The following MSRB3 variants were observed in gnomAD, a reference collection of about 807,000 sequenced individuals.
MSRB3 encodes methionine sulfoxide reductase B3, also known as methionine-R-sulfoxide reductase B3.
Under a neutral mutation model 21.0 loss-of-function variants are expected in MSRB3, and 13 were observed. That is an observed-to-expected ratio of 0.62 (90% CI 0.40 to 0.98). The LOEUF is 0.98. MSRB3 is among the 50% of genes least tolerant of loss of function. MSRB3 has a pLI of 0.00. For synonymous variants in MSRB3, 87 were observed against 88.6 expected, an observed-to-expected ratio of 0.98 and a Z score of 0.10; for missense variants, 199 against 230.3, an observed-to-expected ratio of 0.86 and a Z score of 0.88.
chr12:65,432,769 T>G (rs1326878145), intron 5 of MSRB3, among the ~76,000 whole-genome samples: 1 of 151,876 alleles, frequency 6.6e-6, no homozygotes, highest in African/African-American at 2.4e-5. Flanking sequence ...TTGCTTTGAG[T>G]ATGTTGCTAA....
chr12:65,393,028 T>G (rs1157716145), intron 5 of MSRB3, among the ~76,000 whole-genome samples: 1 of 152,196 alleles, frequency 6.6e-6, no homozygotes, highest in African/African-American at 2.4e-5. Context: ...TACTGCTCTA[T>G]AGTAAATAAA....
chr12:65,440,304 C>A (rs567745542), intron 5 of MSRB3, among the ~76,000 whole-genome samples: 12 of 151,454 alleles, frequency 7.9e-5, no homozygotes, highest in Non-Finnish European at 1.5e-4. Flanking sequence ...AAAGGACAGG[C>A]ATATTTGAAT....
At chr12:65,431,146 T>C (rs1192272370) in intron 5 of MSRB3, among the ~76,000 whole-genome samples, 1 of 152,076 alleles carries the variant, frequency 6.6e-6, no homozygotes, top group African/African-American at 2.4e-5. Flanking sequence ...TTCACGTCTT[T>C]GTAGTTTTAG....
At chr12:65,386,815 A>T (rs1879218506) in intron 5 of MSRB3, among the ~76,000 whole-genome samples, 1 of 152,056 alleles carries the variant, frequency 6.6e-6, no homozygotes, top group Admixed American at 6.5e-5. Flanking sequence ...CCATGTCTGG[A>T]TACTTAGTTA....
intron 4 of MSRB3, among the ~76,000 whole-genome samples, chr12:65,342,001 T>A (rs11175731): frequency 0.049 from 7,393 of 152,024 alleles, 222 homozygotes; most frequent in Middle Eastern, 0.12. Context: ...CCAAAGTGTT[T>A]TTTTCTGTTG....
Position 65,329,420 on chromosome 12 carries a change from C to T in MSRB3, c.263+817C>T, listed in dbSNP as rs192461156. Among the ~76,000 whole-genome samples the T allele has an allele frequency of 2.8e-3, 427 of 152,170 alleles. 1 individual carries two copies. The highest frequency in any genetic ancestry group is 6.8e-3 in the Middle Eastern group (2 of 292). On this transcript the variant is annotated intron_variant, in intron 4 of 6. Coordinates refer to ENST00000308259, the MANE Select transcript of MSRB3 (RefSeq NM_001031679.3). The stretch of plus-strand genomic sequence containing the variant: ...ATCACAGCACTTTGGGAGGCCAAGA[C>T]GGGTGCATCACTTGAGGTCAGGAGT...
chr12:65,422,415 TATATATATATATA>T (rs1881362522), intron 5 of MSRB3, among the ~76,000 whole-genome samples: 5 of 42,480 alleles, frequency 1.2e-4, no homozygotes, highest in African/African-American at 2.0e-4. Flanking sequence ...TATATATATA[TATATATATATATA>T]TATTTATTTA....
chr12:65,359,346 G>A (rs756360651), intron 4 of MSRB3, among the ~76,000 whole-genome samples: 3 of 151,992 alleles, frequency 2.0e-5, no homozygotes, highest in Non-Finnish European at 2.9e-5. Context: ...GTCAGTAATT[G>A]TGTCTAGAAC....
Position 65,414,672 on chromosome 12 carries a change from C to T in MSRB3, c.293-39056C>T, listed in dbSNP as rs571068014. On this transcript the variant is annotated intron_variant, in intron 5 of 6. Coordinates refer to ENST00000308259, the MANE Select transcript of MSRB3 (RefSeq NM_001031679.3). ...AACAGCACATTTCTCAGAACACATC[C>T]CCATCCGTAAGCAACATGTGACTGT... Among the ~76,000 whole-genome samples the T allele has an allele frequency of 2.6e-5, 4 of 152,066 alleles. No homozygotes were observed. The South Asian group carries it at 6.2e-4, about 24-fold the overall frequency.
At chr12:65,336,771 C>CT (rs1565840476) in intron 4 of MSRB3, among the ~76,000 whole-genome samples, 4 of 152,214 alleles carry the variant, frequency 2.6e-5, no homozygotes, top group South Asian at 2.1e-4. Flanking sequence ...ATTCACAAAG[C>CT]TTTTTTTGTA....
intron 4 of MSRB3, among the ~76,000 whole-genome samples, chr12:65,345,200 CAT>C (rs1196901216): frequency 1.3e-5 from 2 of 152,022 alleles, no homozygotes; most frequent in Non-Finnish European, 2.9e-5. Context: ...GAGATTTTAA[CAT>C]AAAATTTCAG....
intron 5 of MSRB3, among the ~76,000 whole-genome samples, chr12:65,422,388 G>T (rs866902557): frequency 1.1e-5 from 1 of 92,488 alleles, no homozygotes. Context: ...GGAGTACATA[G>T]TATATATATA....
At chr12:65,326,048 A>G (rs756539730) in intron 2 of MSRB3, among the ~76,000 whole-genome samples, 7 of 152,222 alleles carry the variant, frequency 4.6e-5, no homozygotes, top group Non-Finnish European at 8.8e-5. Flanking sequence ...CAAAAAGAAA[A>G]TGTAGGTTTC....
chr12:65,412,052 C>T (rs1374195130), intron 5 of MSRB3, among the ~76,000 whole-genome samples: 3 of 152,066 alleles, frequency 2.0e-5, no homozygotes, highest in African/African-American at 4.8e-5. Flanking sequence ...GTTCATGAGA[C>T]CGCACTTCCT....
intron 4 of MSRB3, among the ~76,000 whole-genome samples, chr12:65,360,812 C>T (rs1209105912): frequency 1.3e-5 from 2 of 152,186 alleles, no homozygotes; most frequent in African/African-American, 4.8e-5. Context: ...ACTATGCACT[C>T]AAGTGCATTG....
At chr12:65,328,331 G>A (rs1875189479) in intron 3 of MSRB3, among the ~76,000 whole-genome samples, 195 bp from the exon 4 acceptor site, 1 of 151,766 alleles carries the variant, frequency 6.6e-6, no homozygotes, top group African/African-American at 2.4e-5. Context: ...CACTAGTTTG[G>A]AGTAGTTATA....
intron 5 of MSRB3, among the ~76,000 whole-genome samples, chr12:65,449,097 C>T (rs1017950938): frequency 2.0e-5 from 3 of 152,016 alleles, no homozygotes; most frequent in Admixed American, 6.6e-5. Flanking sequence ...GGTGCGATCT[C>T]GGCTCACTGC....
chr12:65,315,207 C>T (rs865895309), intron 2 of MSRB3, among the ~76,000 whole-genome samples: 2 of 152,076 alleles, frequency 1.3e-5, no homozygotes, highest in Non-Finnish European at 2.9e-5. Context: ...TAAGATGCAA[C>T]GATAAATTAT....
chr12:65,388,569 C>T (rs573752838), intron 5 of MSRB3, among the ~76,000 whole-genome samples: 2 of 152,296 alleles, frequency 1.3e-5, no homozygotes, highest in East Asian at 1.9e-4. Context: ...TTTATCCAGG[C>T]ACTTTTATAA....
Sources: gnomAD v4.1 joint callset for allele counts (sites outside exome capture counted in the v4.1 genomes callset) on GRCh38, gnomAD v4.1.1 for gene constraint, MANE v1.5 for transcripts, NCBI Gene and HGNC (gene_info 2026-07-23, HGNC 2026-07-21) for gene names.